Variants in TJP1 observed in about 807,000 individuals in gnomAD.
TJP1 encodes the protein tight junction protein ZO-1.
In TJP1, 43 loss-of-function variants were observed where a neutral mutation model predicts 194.2. That is an observed-to-expected ratio of 0.22 (90% CI 0.17 to 0.29). The LOEUF (loss-of-function observed/expected upper bound fraction) is 0.29. Ranked by LOEUF, TJP1 falls within the 10% of genes least tolerant of loss-of-function variation. The pLI is 1.00. For synonymous variants in TJP1, 801 were observed against 779.0 expected, an observed-to-expected ratio of 1.03 and a Z score of -0.47; for missense variants, 1,971 against 2,185.7, an observed-to-expected ratio of 0.90 and a Z score of 1.96.
In TJP1 at chr15:29,812,406, C is replaced by T. The variant is rs190801816; in HGVS notation, c.27+9596G>A. Among the ~76,000 whole-genome samples, 31 of 152,228 alleles carry T rather than the reference C, an allele frequency of 2.0e-4. No homozygotes were observed. In the East Asian group the frequency reaches 5.6e-3, roughly 27 times the overall value. ...AGTCAGGGTAACTTACATGAAAATC[C>T]GGATTTGCAACCTCTTGAAAAACTG... is the stretch of plus-strand genomic sequence containing the variant. On this transcript the variant is annotated intron_variant, in intron 1 of 27. Coordinates refer to ENST00000614355, the MANE Select transcript of TJP1 (RefSeq NM_001330239.4).
intron 24 of TJP1, among the ~76,000 whole-genome samples, chr15:29,709,983 A>C (rs2042136509): frequency 1.3e-5 from 2 of 151,978 alleles, no homozygotes; most frequent in Admixed American, 1.3e-4. Context: ...CTGTCTCTAC[A>C]AAAAATACAA....
In TJP1 at chr15:29,809,437, G is replaced by A. The variant is rs558099623; in HGVS notation, c.28-8735C>T. Among the ~76,000 whole-genome samples the A allele has an allele frequency of 9.9e-5, 15 of 152,194 alleles. No homozygotes were observed. The South Asian group carries it at 1.7e-3, about 17-fold the overall frequency. ...GTTTCTCAACCAATAAAGCTGCAAGGGAAGAGGGGAAAGAGAGAGACAGAA... is the reference window on the plus strand; with the variant it reads ...GTTTCTCAACCAATAAAGCTGCAAGAGAAGAGGGGAAAGAGAGAGACAGAA... On this transcript the variant is annotated intron_variant, in intron 1 of 27. Transcript: ENST00000614355.
intron 2 of TJP1, among the ~76,000 whole-genome samples, chr15:29,946,871 T>C (rs1301280055): frequency 6.6e-6 from 1 of 152,192 alleles, no homozygotes; most frequent in Non-Finnish European, 1.5e-5. Flanking sequence ...ACATAAGGGA[T>C]CCTGTAAGGT....
Position 29,939,475 on chromosome 15 carries a change from T to C in TJP1, c.306+16757A>G, listed in dbSNP as rs371612770. 3.9e-4 allele frequency among the ~76,000 whole-genome samples: 60 copies of C among 152,176 alleles called. 1 individual carries two copies. In the South Asian group the frequency reaches 0.011, roughly 29 times the overall value. ...AGCCCAAACCAGAGCCTACACCTGA[T>C]TTACCATTAGCCATTTCCCAAGCCT... On this transcript the variant is annotated intron_variant, in intron 2 of 28. Coordinates refer to the TJP1 transcript ENST00000356107.
intron 4 of TJP1, among the ~76,000 whole-genome samples, chr15:29,767,759 T>C (rs1032126008): frequency 2.0e-5 from 3 of 152,152 alleles, no homozygotes; most frequent in East Asian, 3.9e-4. Flanking sequence ...CCCTCCTAAA[T>C]TTTTTCAGTA....
chr15:29,908,360 C>T (rs191727410), intron 2 of TJP1, among the ~76,000 whole-genome samples: 3 of 152,216 alleles, frequency 2.0e-5, no homozygotes, highest in East Asian at 3.9e-4. Flanking sequence ...AGTGATAACA[C>T]TGGGAACTAG....
At chr15:29,772,192 T>C (rs920344830) in intron 3 of TJP1, 26 bp from the exon 4 acceptor site, 2 of 1,396,834 alleles carry the variant, frequency 1.4e-6, no homozygotes, top group Non-Finnish European at 2.0e-6. Context: ...CACAAAATAA[T>C]ATGTTAGAGA....
intron 15 of TJP1, among the ~76,000 whole-genome samples, chr15:29,731,312 A>C (rs990879391): frequency 2.0e-5 from 3 of 152,136 alleles, no homozygotes; most frequent in African/African-American, 7.2e-5. Flanking sequence ...ATGGAAAAAC[A>C]AATTTGTTTT....
intron 2 of TJP1, among the ~76,000 whole-genome samples, chr15:29,784,294 C>T (rs548470701): frequency 6.6e-6 from 1 of 151,858 alleles, no homozygotes; most frequent in South Asian, 2.1e-4. Flanking sequence ...GAAATAGCAA[C>T]TCAAGGATTT....
intron 2 of TJP1, among the ~76,000 whole-genome samples, chr15:29,796,294 C>G (rs2048396776): frequency 6.8e-6 from 1 of 147,220 alleles, no homozygotes; most frequent in Admixed American, 6.8e-5. Context: ...GGAATCTAAA[C>G]AAGAAAGTTC....
At chr15:29,944,026 GT>G (rs1458088313) in intron 2 of TJP1, among the ~76,000 whole-genome samples, 1 of 152,036 alleles carries the variant, frequency 6.6e-6, no homozygotes, top group African/African-American at 2.4e-5. Context: ...GAAATATTTT[GT>G]ATGTAAAAAT....
At chr15:29,819,848 AG>A (rs2050204561) in intron 1 of TJP1, among the ~76,000 whole-genome samples, 3 of 152,208 alleles carry the variant, frequency 2.0e-5, no homozygotes, top group Admixed American at 2.0e-4. Context: ...GTCTTTTTAG[AG>A]AAACATTTAG....
chr15:29,780,501 G>A (rs564337255), intron 2 of TJP1, among the ~76,000 whole-genome samples: 26 of 152,234 alleles, frequency 1.7e-4, no homozygotes, highest in African/African-American at 4.1e-4. Flanking sequence ...TCACTTGCCC[G>A]CCACTCACCT....
chr15:29,896,679 A>T (rs1331949212), intron 2 of TJP1, among the ~76,000 whole-genome samples: 1 of 152,188 alleles, frequency 6.6e-6, no homozygotes, highest in Non-Finnish European at 1.5e-5. Flanking sequence ...GCTGATAGTG[A>T]TCTGAACAAT....
At chr15:29,870,993 C>T (rs2052497084) in intron 2 of TJP1, among the ~76,000 whole-genome samples, 1 of 152,208 alleles carries the variant, frequency 6.6e-6, no homozygotes, top group Admixed American at 6.5e-5. Context: ...ACACAGAGGG[C>T]TTCCCTCCTC....
intron 26 of TJP1, 127 bp downstream of exon 26, chr15:29,705,401 C>T: frequency 1.0e-6 from 1 of 983,318 alleles, no homozygotes; most frequent in Non-Finnish European, 1.5e-6. Context: ...CCCAGGGCAC[C>T]CCTCGCTACA....
At chr15:29,858,121 C>A (rs1336677011) in intron 2 of TJP1, among the ~76,000 whole-genome samples, 2 of 152,174 alleles carry the variant, frequency 1.3e-5, no homozygotes, top group African/African-American at 4.8e-5. Context: ...TGGAAACAGG[C>A]CAGCTGTGGT....
intron 2 of TJP1, among the ~76,000 whole-genome samples, chr15:29,833,843 T>C (rs542093145): frequency 1.7e-5 from 2 of 118,554 alleles, no homozygotes; most frequent in African/African-American, 6.0e-5. Flanking sequence ...AAAGATGCAA[T>C]ATAATTTTTG....
chr15:29,827,043 C>G (rs1049010219), upstream of TJP1, among the ~76,000 whole-genome samples: 1 of 152,118 alleles, frequency 6.6e-6, no homozygotes, highest in African/African-American at 2.4e-5. Flanking sequence ...TGAAAGGGAT[C>G]CAAGCAAGGT....
Sources: gnomAD v4.1 joint callset for allele counts (sites outside exome capture counted in the v4.1 genomes callset) on GRCh38, gnomAD v4.1.1 for gene constraint, MANE v1.5 for transcripts, NCBI Gene and HGNC (gene_info 2026-07-23, HGNC 2026-07-21) for gene names.